The following PACS2 variants were observed in gnomAD, a reference collection of about 807,000 sequenced individuals.
PACS2 encodes the protein phosphofurin acidic cluster sorting protein 2, also known as PACS1-like protein.
Under a neutral mutation model 113.0 loss-of-function variants are expected in PACS2, and 36 were observed. That is an observed-to-expected ratio of 0.32 (90% CI 0.24 to 0.42). The LOEUF (loss-of-function observed/expected upper bound fraction) is 0.42, where lower values mean the gene tolerates loss of function less well. Ranked by LOEUF, PACS2 falls within the 10% of genes least tolerant of loss-of-function variation. PACS2 has a pLI of 1.00. For synonymous variants in PACS2, 589 were observed against 536.1 expected (o/e 1.10, Z -1.36); for missense variants, 1,015 against 1,239.5 (o/e 0.82, Z 2.72).
chr14:105,351,486 G>A (rs587598519), intron 2 of PACS2, among the ~76,000 whole-genome samples: 27 of 152,196 alleles, frequency 1.8e-4, no homozygotes, highest in Admixed American at 8.5e-4. Context: ...TTTAAGTATT[G>A]TATCTCTGTA....
chr14:105,319,437 T>C (rs1226404274), intron 1 of PACS2, among the ~76,000 whole-genome samples: 4 of 152,258 alleles, frequency 2.6e-5, no homozygotes, highest in African/African-American at 7.2e-5. Flanking sequence ...TGCATATCCT[T>C]TGTTACATTT....
intron 19 of PACS2, 40 bp from the exon 20 acceptor site, chr14:105,389,921 G>A: frequency 6.3e-7 from 1 of 1,588,954 alleles, no homozygotes; most frequent in Non-Finnish European, 8.6e-7. Context: ...GCGGGGCTGT[G>A]CCCTGAGGAG....
rs142847398 is a variant in PACS2, at chr14:105,323,471, T to C, written c.119+8434T>C. The stretch of plus-strand genomic sequence containing the variant: ...ACGAGACTCTCACGGCGGGACCCTG[T>C]CTGCCTTGCTCGGTGCTGCCCAGAG... On this transcript the variant is annotated intron_variant, in intron 1 of 24. Transcript: ENST00000447393. This position sits in a 1 kb window ranked among gnomAD's most constrained non-coding sequence, Gnocchi z 4.1. Among the ~76,000 whole-genome samples, 13 of 152,366 alleles carry C rather than the reference T, an allele frequency of 8.5e-5. No individual in the cohort carries two copies. The East Asian group carries it at 2.5e-3, about 29-fold the overall frequency.
Position 105,376,132 on chromosome 14 carries a change from C to T in PACS2, c.802-636C>T, listed in dbSNP as rs1222397246. ...ATCATGAGAACAGCGTGGAGGAAAC[C>T]ACCCCCAGGATCCAGTTACCTCCAC... is the stretch of plus-strand genomic sequence containing the variant. On this transcript the variant is annotated intron_variant, in intron 8 of 24. Coordinates refer to ENST00000447393, the MANE Select transcript of PACS2 (RefSeq NM_001100913.3). This position sits in a 1 kb window ranked among gnomAD's most constrained non-coding sequence, Gnocchi z 4.7. Among the ~76,000 whole-genome samples, 23 of 152,058 alleles carry T rather than the reference C, an allele frequency of 1.5e-4. No individual in the cohort carries two copies. Among genetic ancestry groups the T allele is most frequent in the African/African-American group, 5.1e-4 (21 of 41,410 alleles).
rs1201425363 is a variant in PACS2, at chr14:105,395,287, GGGCAGAGCC to G, written c.*616_*624del. On this transcript the variant is annotated 3_prime_UTR_variant, in exon 25 of 25. Coordinates refer to ENST00000447393, the MANE Select transcript of PACS2 (RefSeq NM_001100913.3). The stretch of plus-strand genomic sequence containing the variant: ...GCTCTTCTGAAGTCCCCCTGGGGCT[GGGCAGAGCC>G]AGCAGAGCCTGCCCCCACTTCCCCA... The G allele has an allele frequency of 2.6e-5, 4 of 152,408 alleles. No individual in the cohort carries two copies. The highest frequency in any genetic ancestry group is 5.9e-5 in the Non-Finnish European group (4 of 68,200). The allele number at this position is 152,408 out of a possible 1,614,324, so 9.4% of individuals were successfully genotyped here.
Position 105,368,507 on chromosome 14 carries a change from A to G in PACS2, c.709A>G (p.Arg237Gly). Residue 237 changes from arginine to glycine, a missense_variant, in exon 7 of 25, where the codon AGA (arginine) becomes GGA (glycine). Arg to Gly is a moderately radical substitution (Grantham distance 125). This residue lies in a region of PACS2 where 859 missense variants were observed against 1,056.8 expected (regional missense o/e 0.81). Coordinates refer to ENST00000447393, the MANE Select transcript of PACS2 (RefSeq NM_001100913.3). ...CGTGGGGAAGCCGAAGAAGCAGCGG[A>G]GATCGATTGTAAGAACGACGTCCAT... ...FDVGKPKKQR[R>G]SIVRTTSMTR... 1 of 1,614,016 alleles carries G rather than the reference A, an allele frequency of 6.2e-7. No homozygotes were observed. Among genetic ancestry groups the G allele is most frequent in the South Asian group, 1.1e-5 (1 of 91,088 alleles).
intron 8 of PACS2, among the ~76,000 whole-genome samples, chr14:105,375,323 CA>C (rs2141197923): frequency 6.6e-6 from 1 of 152,012 alleles, no homozygotes; most frequent in African/African-American, 2.4e-5. Flanking sequence ...ACTAAAAATA[CA>C]AAAAGTAGCC....
chr14:105,394,628 C>T lies in PACS2; in HGVS notation c.2671C>T (p.His891Tyr), dbSNP rs781943127. 1.2e-5 allele frequency: 19 copies of T among 1,613,350 alleles called. No individual in the cohort carries two copies. The Admixed American group carries it at 2.8e-4, about 24-fold the overall frequency. Residue 891 changes from histidine (H) to tyrosine (Y), a missense_variant, in exon 25 of 25, where the codon CAC (histidine) becomes TAC (tyrosine). This residue lies in a region of PACS2 where 859 missense variants were observed against 1,056.8 expected (regional missense o/e 0.81). Coordinates refer to ENST00000447393, the MANE Select transcript of PACS2 (RefSeq NM_001100913.3). Reference protein sequence around the residue: ...LAAQWSSHVKHFPICIFGHSK... With the variant: ...LAAQWSSHVKYFPICIFGHSK... The stretch of plus-strand genomic sequence containing the variant: ...CGCGCAGTGGTCCTCGCACGTGAAG[C>T]ACTTCCCCATCTGCATCTTCGGACA...
At position 105,376,823 on chromosome 14, in the gene PACS2, T is replaced by C. The variant is rs1555410566; in HGVS notation, c.857T>C (p.Leu286Pro). Residue 286 changes from leucine (L) to proline (P), a missense_variant, in exon 9 of 25, where the codon CTG becomes CCG. Physicochemically the swap from Leu to Pro is moderately conservative, Grantham distance 98. Transcript: ENST00000447393. This position sits in a 1 kb window ranked among gnomAD's most constrained non-coding sequence, Gnocchi z 4.7. ...AEHIPEAEED[L>P]DLLYDTLDME... ...CACATCCCCGAGGCAGAGGAGGACCTGGACCTCCTGTATGACACCCTGGAC... is the reference window on the plus strand; with the variant it reads ...CACATCCCCGAGGCAGAGGAGGACCCGGACCTCCTGTATGACACCCTGGAC... The C allele has an allele frequency of 1.2e-6, 2 of 1,612,618 alleles. No homozygotes were observed. The highest frequency in any genetic ancestry group is 1.7e-6 in the Non-Finnish European group (2 of 1,179,422).
intron 1 of PACS2, among the ~76,000 whole-genome samples, chr14:105,336,186 C>G (rs1418859713): frequency 6.6e-6 from 1 of 152,252 alleles, no homozygotes; most frequent in Admixed American, 6.5e-5. Context: ...GGTTTGGGAC[C>G]AGCTGCCTGG....
Position 105,383,629 on chromosome 14 carries a change from T to G in PACS2, c.1780+116T>G, listed in dbSNP as rs587723864. On this transcript the variant is annotated intron_variant, in intron 16 of 24. Transcript: ENST00000447393. ...GTGTGGCGTGGCGTGGCGCGGTGTG[T>G]CGTGGTGTGGCGCGGTGTGGCATGG... The G allele has an allele frequency of 2.8e-5, 28 of 988,886 alleles. 1 individual carries two copies. The highest frequency in any genetic ancestry group is 1.8e-4 in the South Asian group (11 of 61,132). The allele number at this position is 988,886 out of a possible 1,614,324, so 61.3% of individuals were successfully genotyped here. A position where few individuals can be genotyped will look rare whatever the true frequency, so the allele number is the denominator to read the frequency against.
In PACS2 at chr14:105,380,697, C is replaced by G. The variant is rs587738135; in HGVS notation, c.1126-260C>G. ...CCTGCTGCGTTGCATGGGGTCTCCT[C>G]AGTTAGGAGGTCCTGGGCCCAGGGC... On this transcript the variant is annotated intron_variant, in intron 11 of 24. Coordinates refer to ENST00000447393, the MANE Select transcript of PACS2 (RefSeq NM_001100913.3). Among the ~76,000 whole-genome samples, 12 of 152,288 alleles carry G rather than the reference C, an allele frequency of 7.9e-5. No individual in the cohort carries two copies. In the South Asian group the frequency reaches 2.1e-3, roughly 26 times the overall value.
At chr14:105,385,408 A>G (rs1470184429) in intron 18 of PACS2, among the ~76,000 whole-genome samples, 1 of 152,130 alleles carries the variant, frequency 6.6e-6, no homozygotes, top group Non-Finnish European at 1.5e-5. Flanking sequence ...ACCTGCCCAG[A>G]GCAGGACGGT....
intron 16 of PACS2, 26 bp downstream of exon 16, chr14:105,383,539 C>A: frequency 6.4e-7 from 1 of 1,558,848 alleles, no homozygotes. Context: ...TCCACCTGGG[C>A]CTGGGCACAG....
upstream of PACS2, among the ~76,000 whole-genome samples, chr14:105,313,707 G>A (rs1354524040): frequency 6.6e-6 from 1 of 152,240 alleles, no homozygotes; most frequent in African/African-American, 2.4e-5. Flanking sequence ...AAAACTACTT[G>A]TAGACAAGAC....
intron 1 of PACS2, among the ~76,000 whole-genome samples, chr14:105,338,376 T>G (rs782741057): frequency 5.3e-5 from 8 of 152,186 alleles, no homozygotes; most frequent in East Asian, 3.9e-4. Flanking sequence ...TATGGTGCCT[T>G]CCTTCTCCCG....
Position 105,393,298 on chromosome 14 carries a change from C to T in PACS2, c.2559C>T (p.Leu853=). ...AGTGCATTGAGGGCATCAGCCGGCT[C>T]ATCTGCACTGCCAGGCAGCAGCAGA... ...KSQCIEGISR[L]ICTARQQQNM... is the part of the protein sequence containing the mutation. The change falls in exon 24 of 25, where the codon CTC becomes CTT. Residue 853 remains leucine (L), a synonymous_variant. Transcript: ENST00000447393. 6.2e-7 allele frequency: 1 copy of T among 1,612,368 alleles called. No homozygotes were observed. The highest frequency in any genetic ancestry group is 8.5e-7 in the Non-Finnish European group (1 of 1,179,874).
chr14:105,393,589 TTTGG>T (rs1555415641), intron 24 of PACS2: 1 of 426,618 alleles, frequency 2.3e-6, no homozygotes, highest in African/African-American at 2.2e-5. Flanking sequence ...TGTTTTTTGT[TTTGG>T]TTTTTTTTTT....
chr14:105,384,138 G>T, intron 16 of PACS2: 1 of 547,244 alleles, frequency 1.8e-6, no homozygotes. Flanking sequence ...CAGGGCTCTG[G>T]GACCTCAGCT....
Sources: gnomAD v4.1 joint callset for allele counts (sites outside exome capture counted in the v4.1 genomes callset) on GRCh38, gnomAD v4.1.1 for gene constraint, gnomAD v4.1.1 regional missense constraint, Gnocchi (gnomAD v3.1) non-coding constraint, MANE v1.5 for transcripts, NCBI Gene and HGNC (gene_info 2026-07-23, HGNC 2026-07-21) for gene names.